Variants in CR1 observed in about 807,000 individuals in gnomAD.
CR1 encodes complement C3b/C4b receptor 1 (Knops blood group), also known as complement receptor type 1.
A neutral mutation model predicts 187.3 loss-of-function variants in CR1; 116 were observed. That is an observed-to-expected ratio of 0.62 (90% CI 0.53 to 0.72). CR1 has a LOEUF of 0.72. Ranked by LOEUF, CR1 falls within the 30% of genes least tolerant of loss-of-function variation. The pLI is 0.00. For synonymous variants in CR1, 576 were observed against 747.1 expected (o/e 0.77, Z 3.73); for missense variants, 1,731 against 2,110.7 (o/e 0.82, Z 3.52).
chr1:207,627,598 C>G (rs560377301), intron 45 of CR1, among the ~76,000 whole-genome samples: 18 of 152,170 alleles, frequency 1.2e-4, no homozygotes, highest in Non-Finnish European at 2.1e-4. Flanking sequence ...AACAGAAACT[C>G]CATAGACTGG....
chr1:207,626,312 T>C (rs531856654), intron 45 of CR1, among the ~76,000 whole-genome samples: 1 of 152,310 alleles, frequency 6.6e-6, no homozygotes, highest in South Asian at 2.1e-4. Context: ...TAAACTTAAA[T>C]AATCAGAAGG....
At chr1:207,511,722 A>G (rs1203739244) in intron 4 of CR1, 68 bp downstream of exon 4, 2 of 1,462,716 alleles carry the variant, frequency 1.4e-6, no homozygotes, top group African/African-American at 1.4e-5. Flanking sequence ...AATAATAAAA[A>G]TCTTAACTGA....
At chr1:207,611,264 A>G in intron 37 of CR1, among the ~76,000 whole-genome samples, 1 of 152,168 alleles carries the variant, frequency 6.6e-6, no homozygotes, top group Middle Eastern at 3.2e-3. Flanking sequence ...GAATACGTGA[A>G]GGTGTCTGTT....
intron 40 of CR1, among the ~76,000 whole-genome samples, chr1:207,615,154 G>C (rs779243519): frequency 8.5e-5 from 13 of 152,100 alleles, no homozygotes; most frequent in Admixed American, 6.6e-5. Flanking sequence ...AAACAATTTA[G>C]TCAGCTTGTT....
In CR1 at chr1:207,510,781, C is replaced by CCTTTCCTT. The variant is rs1400696207; in HGVS notation, c.402-775_402-768dup. On this transcript the variant is annotated intron_variant, in intron 3 of 46. Coordinates refer to ENST00000367049, the MANE Select transcript of CR1 (RefSeq NM_000651.6). ...TCCTTCCTTCCTCCCTCCCTTCCTTCCTTTCCTTCTTTCCTTCTTTGCTTT... is the reference window on the plus strand; with the variant it reads ...TCCTTCCTTCCTCCCTCCCTTCCTTCCTTTCCTTCTTTCCTTCTTTCCTTCTTTGCTTT... Among the ~76,000 whole-genome samples the CCTTTCCTT allele has an allele frequency of 6.6e-4, 99 of 149,692 alleles. 1 individual carries two copies. The highest frequency in any genetic ancestry group is 1.5e-3 in the South Asian group (7 of 4,666).
At chr1:207,604,785 T>C (rs1483801605) in intron 35 of CR1, among the ~76,000 whole-genome samples, 3 of 152,196 alleles carry the variant, frequency 2.0e-5, no homozygotes, top group Non-Finnish European at 2.9e-5. Flanking sequence ...CCACATGATC[T>C]TACTTCCATG....
intron 38 of CR1, 30 bp from the exon 39 acceptor site, chr1:207,611,909 T>C (rs1227217381): frequency 6.2e-7 from 1 of 1,613,998 alleles, no homozygotes; most frequent in Admixed American, 1.7e-5. Flanking sequence ...CATGGAGGAC[T>C]TACTCCTGTT....
intron 1 of CR1, among the ~76,000 whole-genome samples, chr1:207,498,060 A>G (rs757232206): frequency 2.6e-5 from 4 of 152,214 alleles, no homozygotes; most frequent in African/African-American, 7.2e-5. Flanking sequence ...GCTACTTACC[A>G]GCTGGTGTCT....
intron 29 of CR1, among the ~76,000 whole-genome samples, chr1:207,579,158 C>T (rs1294798444): frequency 6.6e-6 from 1 of 152,184 alleles, no homozygotes; most frequent in Non-Finnish European, 1.5e-5. Flanking sequence ...GAGTCAAATA[C>T]TCTCCAAATA....
intron 37 of CR1, among the ~76,000 whole-genome samples, chr1:207,609,924 T>G (rs1220335341): frequency 3.3e-5 from 5 of 152,206 alleles, no homozygotes; most frequent in Non-Finnish European, 7.3e-5. Context: ...ATATATGAAG[T>G]AGCTACTATT....
chr1:207,498,504 C>T (rs1887633), intron 1 of CR1, among the ~76,000 whole-genome samples: 1 of 151,802 alleles, frequency 6.6e-6, no homozygotes, highest in African/African-American at 2.4e-5. Context: ...TAGGACAACC[C>T]CTGAAAAATG....
At chr1:207,603,452 T>A (rs983468423) in intron 35 of CR1, among the ~76,000 whole-genome samples, 2 of 152,172 alleles carry the variant, frequency 1.3e-5, no homozygotes, top group African/African-American at 4.8e-5. Context: ...TAGGACTCCC[T>A]GTCTGGAATC....
intron 46 of CR1, among the ~76,000 whole-genome samples, chr1:207,633,918 G>C (rs147060451): frequency 6.6e-6 from 1 of 152,152 alleles, no homozygotes; most frequent in Admixed American, 6.5e-5. Flanking sequence ...TACAGTCAAC[G>C]GGGCTTTGTT....
chr1:207,499,679 G>A (rs1331669197), intron 1 of CR1, among the ~76,000 whole-genome samples: 1 of 152,168 alleles, frequency 6.6e-6, no homozygotes, highest in Non-Finnish European at 1.5e-5. Context: ...AATATAGGGT[G>A]GACTCTGGCG....
chr1:207,607,068 T>G (rs1661773061), intron 35 of CR1, among the ~76,000 whole-genome samples, 183 bp from the exon 36 acceptor site: 1 of 152,168 alleles, frequency 6.6e-6, no homozygotes, highest in Admixed American at 6.6e-5. Context: ...GAGGTCAAAA[T>G]GTAAGCTTGT....
Position 207,505,924 on chromosome 1 carries a change from T to C in CR1, c.142T>C (p.Trp48Arg), listed in dbSNP as rs769544255. 1.9e-5 allele frequency: 30 copies of C among 1,613,780 alleles called. No individual in the cohort carries two copies. The highest frequency in any genetic ancestry group is 2.5e-5 in the Non-Finnish European group (30 of 1,179,820). The change falls in exon 2 of 47, where the codon TGG becomes CGG. Residue 48 changes from tryptophan to arginine, a missense_variant. By Grantham distance (101) the Trp-to-Arg change is moderately radical. Around this residue, in one of 5 missense-constraint regions of CR1, gnomAD observed 237 missense variants for 240.4 expected, o/e 0.99. Coordinates refer to ENST00000367049, the MANE Select transcript of CR1 (RefSeq NM_000651.6). ...TCCAGGTCAATGCAATGCCCCAGAA[T>C]GGCTTCCATTTGCCAGGCCTACCAA... ...VAWGQCNAPE[W>R]LPFARPTNLT...
chr1:207,635,943 TG>T (rs1662799707), intron 46 of CR1, among the ~76,000 whole-genome samples: 1 of 152,166 alleles, frequency 6.6e-6, no homozygotes, highest in African/African-American at 2.4e-5. Context: ...AGCACAGGGT[TG>T]GGGGTAGGGT....
chr1:207,638,923 C>T (rs1441582223), intron 46 of CR1, among the ~76,000 whole-genome samples: 4 of 152,320 alleles, frequency 2.6e-5, no homozygotes, highest in South Asian at 2.1e-4. Flanking sequence ...GCTGCACTGC[C>T]GCTTGTGGCG....
chr1:207,623,716 G>A (rs1050111730), intron 45 of CR1, among the ~76,000 whole-genome samples: 3 of 151,782 alleles, frequency 2.0e-5, no homozygotes, highest in African/African-American at 7.3e-5. Context: ...TCATGAGGCT[G>A]TTTGATATCC....
Sources: gnomAD v4.1 joint callset for allele counts (sites outside exome capture counted in the v4.1 genomes callset) on GRCh38, gnomAD v4.1.1 for gene constraint, gnomAD v4.1.1 regional missense constraint, MANE v1.5 for transcripts, NCBI Gene and HGNC (gene_info 2026-07-23, HGNC 2026-07-21) for gene names.